Variants in ABTB3 observed in about 807,000 individuals in gnomAD.
The protein encoded by ABTB3 is ankyrin repeat- and BTB/POZ domain-containing protein 3.
At chr12:107,539,873 C>T in the ABTB3 span, among the ~76,000 whole-genome samples, 1 of 152,216 alleles carries the variant, frequency 6.6e-6, no homozygotes, top group Non-Finnish European at 1.5e-5. Flanking sequence ...CCCTGCTTAA[C>T]TTTCAGCAGT....
chr12:107,483,162 G>A, the ABTB3 span, among the ~76,000 whole-genome samples: 3 of 151,870 alleles, frequency 2.0e-5, no homozygotes, highest in African/African-American at 4.8e-5. Flanking sequence ...GGAGCAGCTA[G>A]GACTATAGGC....
At chr12:107,648,501 A>G in the ABTB3 span, among the ~76,000 whole-genome samples, 1 of 152,130 alleles carries the variant, frequency 6.6e-6, no homozygotes, top group Admixed American at 6.6e-5. Context: ...GCAAAGTCAG[A>G]TACATCCACG....
At chr12:107,618,409 C>A in the ABTB3 span, 44 of 1,578,108 alleles carry the variant, frequency 2.8e-5, no homozygotes, top group Non-Finnish European at 3.4e-5. Context: ...CCACGGGCAC[C>A]ATGGTGCCCC....
chr12:107,483,723 G>A, the ABTB3 span, among the ~76,000 whole-genome samples: 1 of 152,124 alleles, frequency 6.6e-6, no homozygotes, highest in Admixed American at 6.5e-5. Flanking sequence ...TTCTCACTCT[G>A]TCACCCAGGC....
the ABTB3 span, among the ~76,000 whole-genome samples, chr12:107,488,739 T>C: frequency 2.3e-4 from 35 of 151,924 alleles, no homozygotes; most frequent in Admixed American, 7.2e-4. Context: ...TGGCATTTGG[T>C]ACATTCATAT....
At chr12:107,579,169 G>C in the ABTB3 span, among the ~76,000 whole-genome samples, 1 of 152,216 alleles carries the variant, frequency 6.6e-6, no homozygotes, top group African/African-American at 2.4e-5. Flanking sequence ...GAGGGATGTG[G>C]ATTTTTAAAG....
At chr12:107,380,978 C>A in the ABTB3 span, among the ~76,000 whole-genome samples, 1 of 152,066 alleles carries the variant, frequency 6.6e-6, no homozygotes, top group Non-Finnish European at 1.5e-5. Flanking sequence ...TATATAGTCA[C>A]ATATCAGAGA....
At chr12:107,500,581 C>A in the ABTB3 span, among the ~76,000 whole-genome samples, 1 of 152,252 alleles carries the variant, frequency 6.6e-6, no homozygotes, top group East Asian at 1.9e-4. Flanking sequence ...GAGCCGGTTA[C>A]CCCCCACTCT....
the ABTB3 span, among the ~76,000 whole-genome samples, chr12:107,459,624 A>C: frequency 6.6e-6 from 1 of 152,240 alleles, no homozygotes; most frequent in Non-Finnish European, 1.5e-5. Flanking sequence ...CTGGGGGAAG[A>C]ATATTACGGG....
chr12:107,525,324 C>CAAAAAAAAAAAAAAAAAAAAAAAAA, the ABTB3 span, among the ~76,000 whole-genome samples: 60 of 34,884 alleles, frequency 1.7e-3, 1 homozygote, highest in Non-Finnish European at 2.1e-3. Flanking sequence ...AAGATCCTGT[C>CAAAAAAAAAAAAAAAAAAAAAAAAA]AAAAAAAAAA....
chr12:107,403,745 G>A, the ABTB3 span, among the ~76,000 whole-genome samples: 1 of 152,206 alleles, frequency 6.6e-6, no homozygotes, highest in South Asian at 2.1e-4. Flanking sequence ...CCAGAGGGCA[G>A]AGGAAAACTT....
chr12:107,448,645 CT>C, the ABTB3 span, among the ~76,000 whole-genome samples: 1,653 of 133,662 alleles, frequency 0.012, 10 homozygotes, highest in Middle Eastern at 0.018. Flanking sequence ...TTCTTTCTTT[CT>C]TTTTTTTTTT....
chr12:107,654,480 G>A, the ABTB3 span, among the ~76,000 whole-genome samples: 33 of 152,040 alleles, frequency 2.2e-4, no homozygotes, highest in African/African-American at 7.5e-4. Context: ...TGTATTTTTA[G>A]TAGAGACAGA....
the ABTB3 span, among the ~76,000 whole-genome samples, chr12:107,649,040 C>T: frequency 6.6e-6 from 1 of 152,104 alleles, no homozygotes; most frequent in Non-Finnish European, 1.5e-5. Context: ...CAGTCTTCTC[C>T]CCTTAAGGTA....
At chr12:107,617,211 A>G in the ABTB3 span, 1 of 1,613,712 alleles carries the variant, frequency 6.2e-7, no homozygotes, top group African/African-American at 1.3e-5. Context: ...CACCCTGGCC[A>G]GGGAGCTCCA....
chr12:107,551,414 G>A, the ABTB3 span, among the ~76,000 whole-genome samples: 2 of 152,168 alleles, frequency 1.3e-5, no homozygotes, highest in African/African-American at 4.8e-5. Context: ...TTTGTAACTT[G>A]AGCATTGTGG....
the ABTB3 span, among the ~76,000 whole-genome samples, chr12:107,330,794 G>A: frequency 3.3e-5 from 5 of 152,198 alleles, no homozygotes; most frequent in Admixed American, 6.5e-5. Flanking sequence ...TAATATCTCC[G>A]GTTTTGCTAT....
the ABTB3 span, among the ~76,000 whole-genome samples, chr12:107,449,229 G>C: frequency 1.3e-5 from 2 of 152,118 alleles, no homozygotes; most frequent in Non-Finnish European, 2.9e-5. Context: ...GGTGCTATTG[G>C]GACTTCTCTT....
chr12:107,623,371 T>C, the ABTB3 span, among the ~76,000 whole-genome samples: 2 of 139,662 alleles, frequency 1.4e-5, no homozygotes, highest in African/African-American at 2.7e-5. Context: ...TTTTTTTTTT[T>C]TTTTTTTTTT....
Sources: gnomAD v4.1 joint callset for allele counts (sites outside exome capture counted in the v4.1 genomes callset) on GRCh38, gnomAD v4.1.1 for gene constraint, MANE v1.5 for transcripts, NCBI Gene and HGNC (gene_info 2026-07-23, HGNC 2026-07-21) for gene names.